Variants in NAA60 observed in about 807,000 individuals in gnomAD.
The protein encoded by NAA60 is N-alpha-acetyltransferase 60, NatF catalytic subunit.
In NAA60, 8 loss-of-function variants were observed where a neutral mutation model predicts 26.1. The ratio of observed to expected loss-of-function variants is 0.31; its 90% CI spans 0.18 to 0.55. The LOEUF (loss-of-function observed/expected upper bound fraction) is 0.55, where lower values mean the gene tolerates loss of function less well. Among genes scored for constraint, NAA60 ranks in the 20% least tolerant of loss-of-function variants. The probability of loss-of-function intolerance (pLI) is 0.93; values close to 1 mark genes in which losing one functional copy is unlikely to be tolerated. For synonymous variants in NAA60, 131 were observed against 122.5 expected, an observed-to-expected ratio of 1.07 and a Z score of -0.46; for missense variants, 290 against 311.3, an observed-to-expected ratio of 0.93 and a Z score of 0.51.
intron 2 of NAA60, among the ~76,000 whole-genome samples, chr16:3,458,463 G>C (rs144172352): frequency 1.3e-5 from 2 of 152,124 alleles, no homozygotes; most frequent in Admixed American, 6.5e-5. Context: ...TGGGGGTTGC[G>C]TCAGTGTCCG....
chr16:3,453,342 G>A (rs2034857007), intron 2 of NAA60, among the ~76,000 whole-genome samples: 1 of 151,834 alleles, frequency 6.6e-6, no homozygotes, highest in African/African-American at 2.4e-5. Context: ...AGGCTGCATT[G>A]AGCCAAGATC....
chr16:3,457,455 C>T (rs2035052481), intron 2 of NAA60, among the ~76,000 whole-genome samples: 1 of 152,204 alleles, frequency 6.6e-6, no homozygotes, highest in Non-Finnish European at 1.5e-5. Context: ...ACAACAAAAA[C>T]TTCGCGTTAG....
At chr16:3,481,341 C>T (rs947682794) in intron 4 of NAA60, among the ~76,000 whole-genome samples, 2 of 152,164 alleles carry the variant, frequency 1.3e-5, no homozygotes, top group Admixed American at 1.3e-4. Context: ...CCGCCTGCCT[C>T]GCGGGAGTGC....
intron 3 of NAA60, among the ~76,000 whole-genome samples, chr16:3,478,827 A>G (rs771718190): frequency 3.6e-4 from 55 of 152,158 alleles, no homozygotes; most frequent in Non-Finnish European, 2.6e-4. Flanking sequence ...GCACTCCTCC[A>G]GTGTCCAAGG....
chr16:3,481,087 A>G (rs2036799561), intron 4 of NAA60, among the ~76,000 whole-genome samples: 1 of 151,822 alleles, frequency 6.6e-6, no homozygotes, highest in Non-Finnish European at 1.5e-5. Flanking sequence ...AAGAGCTAAG[A>G]TGTAGCAGAA....
Position 3,474,772 on chromosome 16 carries a change from C to A in NAA60, c.-6-1450C>A, listed in dbSNP as rs76388715. On this transcript the variant is annotated intron_variant, in intron 2 of 7. Coordinates refer to ENST00000407558, the MANE Select transcript of NAA60 (RefSeq NM_001083601.3). The stretch of plus-strand genomic sequence containing the variant: ...GCCTTTCCTGATTGTTGTTTGACTC[C>A]GTCATTTCTGTTGGTGATTCCAAAA... 1.4e-4 allele frequency among the ~76,000 whole-genome samples: 21 copies of A among 152,304 alleles called. No individual in the cohort carries two copies. In the South Asian group the frequency reaches 2.1e-3, roughly 15 times the overall value.
intron 2 of NAA60, among the ~76,000 whole-genome samples, chr16:3,473,336 C>G (rs1295979971): frequency 3.3e-5 from 5 of 152,100 alleles, no homozygotes; most frequent in Non-Finnish European, 7.3e-5. Context: ...GGAGGCCTCA[C>G]AATCATGGCA....
At chr16:3,445,923 C>G (rs1006271468) in intron 1 of NAA60, among the ~76,000 whole-genome samples, 2 of 152,112 alleles carry the variant, frequency 1.3e-5, no homozygotes, top group East Asian at 3.9e-4. Flanking sequence ...CATACAAAGT[C>G]CAAGATAGAC....
In NAA60 at chr16:3,473,749, T is replaced by TTGTTG. The variant is rs1203211480; in HGVS notation, c.-6-2472_-6-2471insGTTGT. Among the ~76,000 whole-genome samples the TTGTTG allele has an allele frequency of 6.5e-3, 878 of 135,972 alleles. 12 individuals are homozygous for TTGTTG. The highest frequency in any genetic ancestry group is 0.027 in the African/African-American group (828 of 30,160). The allele number at this position is 135,972 out of a possible 152,430, so 89.2% of individuals were successfully genotyped here. ...TGTTGTTGTTGTTGTTGTTGTTGTT[T>TTGTTG]TTTGAGATGGAGTCTTGCACTGTTG... is the stretch of plus-strand genomic sequence containing the variant. On this transcript the variant is annotated intron_variant, in intron 2 of 7. Coordinates refer to ENST00000407558, the MANE Select transcript of NAA60 (RefSeq NM_001083601.3).
At chr16:3,455,855 C>T (rs1036200463) in intron 2 of NAA60, among the ~76,000 whole-genome samples, 4 of 151,816 alleles carry the variant, frequency 2.6e-5, no homozygotes, top group Admixed American at 6.6e-5. Context: ...TACAGGCACG[C>T]ACCACTATGC....
chr16:3,476,219 C>A lies in NAA60; in HGVS notation c.-6-3C>A. 6.2e-7 allele frequency: 1 copy of A among 1,604,306 alleles called. No homozygotes were observed. Among genetic ancestry groups the A allele is most frequent in the Non-Finnish European group, 8.5e-7 (1 of 1,173,310 alleles). ...GACGCGTCCCCCCCACCCTTCCCCACAGGTGTGAATGACAGAGGTGGTGCC... is the reference window on the plus strand; with the variant it reads ...GACGCGTCCCCCCCACCCTTCCCCAAAGGTGTGAATGACAGAGGTGGTGCC... On this transcript the variant is annotated splice_polypyrimidine_tract_variant and splice_region_variant and intron_variant, in intron 2 of 7. Coordinates refer to ENST00000407558, the MANE Select transcript of NAA60 (RefSeq NM_001083601.3).
chr16:3,464,510 A>G (rs1038533958), intron 2 of NAA60, among the ~76,000 whole-genome samples: 1 of 152,138 alleles, frequency 6.6e-6, no homozygotes, highest in South Asian at 2.1e-4. Flanking sequence ...TAAACTGAGG[A>G]GCTGCTGTGT....
intron 2 of NAA60, chr16:3,449,936 G>T: frequency 2.5e-6 from 1 of 396,936 alleles, no homozygotes; most frequent in Non-Finnish European, 4.4e-6. Flanking sequence ...CAGCCACGTG[G>T]AACTGTAAGT....
chr16:3,470,830 T>C (rs552522598), intron 2 of NAA60, among the ~76,000 whole-genome samples: 2 of 152,362 alleles, frequency 1.3e-5, no homozygotes, highest in African/African-American at 4.8e-5. Context: ...CATCTCTTCC[T>C]TTCATGGGCA....
chr16:3,458,211 TCG>T (rs2035112864), intron 2 of NAA60: 1 of 942,034 alleles, frequency 1.1e-6, no homozygotes, highest in African/African-American at 1.8e-5. Context: ...CCGCCGGGGC[TCG>T]GACCTGCGGC....
intron 2 of NAA60, among the ~76,000 whole-genome samples, chr16:3,449,300 T>C (rs1401411068): frequency 2.0e-5 from 3 of 152,042 alleles, no homozygotes; most frequent in Non-Finnish European, 2.9e-5. Context: ...AGGTGGATCA[T>C]GAGGTCAGGA....
intron 4 of NAA60, 51 bp downstream of exon 4, chr16:3,479,651 C>G (rs751604847): frequency 1.3e-6 from 2 of 1,594,452 alleles, no homozygotes; most frequent in South Asian, 1.1e-5. Context: ...ATTGGACGGG[C>G]CAAGGGGGCT....
chr16:3,448,809 G>T, intron 2 of NAA60: 1 of 329,456 alleles, frequency 3.0e-6, no homozygotes, highest in Non-Finnish European at 5.7e-6. Context: ...TTTGGTTTAA[G>T]CATCAGTCTC....
chr16:3,443,808 C>G lies in NAA60; in HGVS notation c.-106C>G. 6.5e-7 allele frequency: 1 copy of G among 1,534,512 alleles called. No homozygotes were observed. The highest frequency in any genetic ancestry group is 2.5e-5 in the East Asian group (1 of 40,782). On this transcript the variant is annotated 5_prime_UTR_variant, in exon 1 of 8. Transcript: ENST00000407558. ...GGACAGAAAGAAGACTGGGAGACAC[C>G]GGAACTCGAAAGAAAATCGGTAACA...
Sources: allele counts gnomAD v4.1 joint callset (sites outside exome capture counted in the v4.1 genomes callset), GRCh38; gene constraint gnomAD v4.1.1; transcripts MANE v1.5; gene names NCBI Gene and HGNC (gene_info 2026-07-23, HGNC 2026-07-21).